Variants in CKLF observed in about 807,000 individuals in gnomAD.
The protein encoded by CKLF is chemokine like factor.
CKLF carries 16 observed loss-of-function variants against 12.9 expected under a neutral mutation model. The ratio of observed to expected loss-of-function variants is 1.24; its 90% CI spans 0.84 to 1.88. The LOEUF (loss-of-function observed/expected upper bound fraction) is 1.88, where lower values mean the gene tolerates loss of function less well. CKLF is among the 40% of genes most tolerant of loss of function. CKLF has a pLI of 0.00. For synonymous variants in CKLF, 61 were observed against 69.0 expected (o/e 0.88, Z 0.57); for missense variants, 172 against 188.5 (o/e 0.91, Z 0.51).
chr16:66,556,686 A>G (rs753874790), intron 1 of CKLF, among the ~76,000 whole-genome samples: 4 of 152,216 alleles, frequency 2.6e-5, no homozygotes, highest in Non-Finnish European at 5.9e-5. Flanking sequence ...TGCTAATAGT[A>G]ATTATATTAA....
At chr16:66,564,534 T>A (rs1461077004) in intron 3 of CKLF, among the ~76,000 whole-genome samples, 1 of 151,568 alleles carries the variant, frequency 6.6e-6, no homozygotes, top group Non-Finnish European at 1.5e-5. Context: ...GCAGTGGTGC[T>A]ATCTCAGCTC....
chr16:66,559,078 G>A (rs57032245), intron 2 of CKLF, among the ~76,000 whole-genome samples: 1 of 152,254 alleles, frequency 6.6e-6, no homozygotes, highest in African/African-American at 2.4e-5. Context: ...CCAGCATCCT[G>A]TCTCTGTAGG....
intron 2 of CKLF, among the ~76,000 whole-genome samples, chr16:66,561,973 C>T (rs1287406895): frequency 6.6e-6 from 1 of 152,160 alleles, no homozygotes; most frequent in Admixed American, 6.5e-5. Flanking sequence ...AGCGAATGAG[C>T]TATATCATCA....
At chr16:66,563,037 T>A in intron 2 of CKLF, 85 bp from the exon 3 acceptor site, 1 of 1,504,156 alleles carries the variant, frequency 6.6e-7, no homozygotes, top group Non-Finnish European at 9.2e-7. Flanking sequence ...TTTTTTGTTG[T>A]TGTTGTTTTT....
intron 1 of CKLF, among the ~76,000 whole-genome samples, chr16:66,553,114 C>G (rs1462890972): frequency 6.6e-6 from 1 of 152,002 alleles, no homozygotes; most frequent in Non-Finnish European, 1.5e-5. Flanking sequence ...GAACGTTGAT[C>G]GCACCACTGC....
In CKLF at chr16:66,554,366, G is replaced by A. The variant is rs537850552; in HGVS notation, c.78+1573G>A. ...TAGAGCAATCTAGGGTTGGATCTAA[G>A]AGCCACCTGAGTAAAGGCATGGAGG... On this transcript the variant is annotated intron_variant, in intron 1 of 3. Transcript: ENST00000264001. 2.6e-5 allele frequency among the ~76,000 whole-genome samples: 4 copies of A among 152,346 alleles called. No homozygotes were observed. The East Asian group carries it at 7.7e-4, about 29-fold the overall frequency.
At chr16:66,557,823 G>A (rs542876509) in intron 1 of CKLF, among the ~76,000 whole-genome samples, 1 of 152,340 alleles carries the variant, frequency 6.6e-6, no homozygotes, top group African/African-American at 2.4e-5. Flanking sequence ...TGTGGGAAGT[G>A]ATAGTGTCAG....
chr16:66,553,744 T>A (rs1275634332), intron 1 of CKLF, among the ~76,000 whole-genome samples: 1 of 152,200 alleles, frequency 6.6e-6, no homozygotes, highest in East Asian at 1.9e-4. Flanking sequence ...CAAAACTAAA[T>A]GGCCACTTGG....
chr16:66,565,753 A>ATTAG (rs2012214579), intron 3 of CKLF, 133 bp from the exon 4 acceptor site: 1 of 762,476 alleles, frequency 1.3e-6, no homozygotes, highest in South Asian at 1.6e-5. Flanking sequence ...CCATGTTAGT[A>ATTAG]TTAGATGAAG....
chr16:66,562,152 T>C (rs1204199244), intron 2 of CKLF, among the ~76,000 whole-genome samples: 1 of 152,038 alleles, frequency 6.6e-6, no homozygotes, highest in Non-Finnish European at 1.5e-5. Flanking sequence ...TGGTGCAATC[T>C]TGGCTCACTG....
intron 2 of CKLF, among the ~76,000 whole-genome samples, chr16:66,561,747 TTC>T (rs1232819690): frequency 6.6e-6 from 1 of 152,208 alleles, no homozygotes; most frequent in Non-Finnish European, 1.5e-5. Context: ...TGTTCCTACT[TTC>T]TTTCTAATAA....
chr16:66,558,095 A>C (rs1234445341), intron 1 of CKLF, 95 bp from the exon 2 acceptor site: 1 of 1,553,670 alleles, frequency 6.4e-7, no homozygotes, highest in Non-Finnish European at 8.6e-7. Flanking sequence ...GGCATGACCC[A>C]CTGTGCCCAG....
intron 1 of CKLF, chr16:66,553,498 A>G (rs549727628): frequency 6.6e-6 from 1 of 152,358 alleles, no homozygotes; most frequent in South Asian, 2.1e-4. Flanking sequence ...GAAGTTGATC[A>G]TTTGGAGAGA....
At position 66,565,871 on chromosome 16, in the gene CKLF, T is replaced by G; in HGVS notation, c.334-15T>G. 1 of 1,613,464 alleles carries G rather than the reference T, an allele frequency of 6.2e-7. No individual in the cohort carries two copies. Among genetic ancestry groups the G allele is most frequent in the African/African-American group, 1.3e-5 (1 of 75,026 alleles). ...GGACCATGGTTAGGGCAGTGACACT[T>G]GTCTTTCTTTCCAGGTGTTTGCACT... On this transcript the variant is annotated splice_polypyrimidine_tract_variant and intron_variant, in intron 3 of 3. Coordinates refer to ENST00000264001, the MANE Select transcript of CKLF (RefSeq NM_016951.4).
At chr16:66,554,189 C>T (rs1032150631) in intron 1 of CKLF, among the ~76,000 whole-genome samples, 2 of 152,168 alleles carry the variant, frequency 1.3e-5, no homozygotes, top group African/African-American at 2.4e-5. Flanking sequence ...ACAGCAAAGA[C>T]GAACCAGGAC....
rs772701819 is a variant in CKLF, at chr16:66,565,902, C to G, written c.350C>G (p.Thr117Arg). 1 of 1,614,076 alleles carries G rather than the reference C, an allele frequency of 6.2e-7. No homozygotes were observed. Among genetic ancestry groups the G allele is most frequent in the Admixed American group, 1.7e-5 (1 of 60,026 alleles). Residue 117 changes from threonine to arginine, a missense_variant, in exon 4 of 4, where the codon ACA becomes AGA. Coordinates refer to ENST00000264001, the MANE Select transcript of CKLF (RefSeq NM_016951.4). Reference sequence around the variant, plus strand: ...TCTTTCCAGGTGTTTGCACTTGTGACAGCAGTATGCTGTCTTGCCGACGGG... The same window carrying G: ...TCTTTCCAGGTGTTTGCACTTGTGAGAGCAGTATGCTGTCTTGCCGACGGG... ...TVGGGVFALV[T>R]AVCCLADGAL... is the part of the protein sequence containing the mutation.
intron 2 of CKLF, among the ~76,000 whole-genome samples, chr16:66,559,581 A>G (rs2011590314): frequency 6.6e-6 from 1 of 152,120 alleles, no homozygotes; most frequent in Admixed American, 6.5e-5. Flanking sequence ...TGCTTTTCAC[A>G]CTCTGCTTCT....
chr16:66,566,138 C>T (rs368249019), downstream of CKLF: 2 of 1,603,852 alleles, frequency 1.2e-6, no homozygotes, highest in East Asian at 4.5e-5. This position sits in a 1 kb window ranked among gnomAD's most constrained non-coding sequence, Gnocchi z 4.9. Flanking sequence ...CTGCACCCCG[C>T]GCAGAGCACT....
At chr16:66,553,875 A>G (rs2011296527) in intron 1 of CKLF, among the ~76,000 whole-genome samples, 1 of 152,208 alleles carries the variant, frequency 6.6e-6, no homozygotes, top group Non-Finnish European at 1.5e-5. Flanking sequence ...GATCCTTCTC[A>G]CACCAAAAGT....
Sources: allele counts gnomAD v4.1 joint callset (sites outside exome capture counted in the v4.1 genomes callset), GRCh38; gene constraint gnomAD v4.1.1; non-coding constraint Gnocchi (gnomAD v3.1); transcripts MANE v1.5; gene names NCBI Gene and HGNC (gene_info 2026-07-23, HGNC 2026-07-21).